The following TRAPPC11 variants were observed in gnomAD, a reference collection of about 807,000 sequenced individuals.
TRAPPC11 encodes the protein foie gras homolog.
Under a neutral mutation model 151.2 loss-of-function variants are expected in TRAPPC11, and 104 were observed. That is an observed-to-expected ratio of 0.69 (90% CI 0.59 to 0.81). The LOEUF (loss-of-function observed/expected upper bound fraction) is 0.81. TRAPPC11 is among the 30% of genes least tolerant of loss of function. The pLI, the probability that TRAPPC11 is intolerant of heterozygous loss-of-function variation, is 0.00. For synonymous variants in TRAPPC11, 456 were observed against 472.3 expected, an observed-to-expected ratio of 0.97 and a Z score of 0.45; for missense variants, 1,230 against 1,349.6, an observed-to-expected ratio of 0.91 and a Z score of 1.39.
At position 183,684,019 on chromosome 4, in the gene TRAPPC11, G is replaced by A. The variant is rs754886049; in HGVS notation, c.1252G>A (p.Ala418Thr). 2 of 1,613,996 alleles carry A rather than the reference G, an allele frequency of 1.2e-6. No homozygotes were observed. Among genetic ancestry groups the A allele is most frequent in the Admixed American group, 1.7e-5 (1 of 60,014 alleles). Reference protein sequence around the residue: ...DPEKEKVGILAIQLKERNVVH... With the variant: ...DPEKEKVGILTIQLKERNVVH... ...TGAAAAAGAAAAGGTGGGAATTCTT[G>A]CCATTCAGCTGAAGGAGAGAAATGT... The change falls in exon 12 of 30, where the codon GCC (alanine) becomes ACC (threonine). Residue 418 changes from alanine to threonine, a missense_variant. By Grantham distance (58) the Ala-to-Thr change is moderately conservative (BLOSUM62 0). Transcript: ENST00000334690.
At position 183,675,144 on chromosome 4, in the gene TRAPPC11, AT is replaced by A. The variant is rs751852398; in HGVS notation, c.661-13del. On this transcript the variant is annotated intron_variant, in intron 6 of 29. Coordinates refer to ENST00000334690, the MANE Select transcript of TRAPPC11 (RefSeq NM_021942.6). ...TTTAAATAGAATATGTATAATAGTA[AT>A]TTTTTTGTCTCTTTTTAGCTTTTAT... The A allele has an allele frequency of 3.5e-5, 48 of 1,378,888 alleles. No individual in the cohort carries two copies. Among genetic ancestry groups the A allele is most frequent in the African/African-American group, 1.2e-4 (8 of 68,060 alleles). 85.4% of individuals were successfully genotyped at this position (1,378,888 alleles called of 1,614,324 possible). A position where few individuals can be genotyped will look rare whatever the true frequency, so the allele number is the denominator to read the frequency against.
chr4:183,712,829 T>C lies in TRAPPC11; in HGVS notation c.*185T>C, dbSNP rs1737398296. On this transcript the variant is annotated 3_prime_UTR_variant, in exon 30 of 30. Coordinates refer to ENST00000334690, the MANE Select transcript of TRAPPC11 (RefSeq NM_021942.6). ...TATTAGGAAAATCTGTCTTATAGTT[T>C]CTCTAATAAATATCTGAAATCTCAG... 1 of 497,978 alleles carries C rather than the reference T, an allele frequency of 2.0e-6. No homozygotes were observed. The highest frequency in any genetic ancestry group is 3.1e-5 in the East Asian group (1 of 32,066). The allele number at this position is 497,978 out of a possible 1,614,324, so 30.8% of individuals were successfully genotyped here. A position where few individuals can be genotyped will look rare whatever the true frequency, so the allele number is the denominator to read the frequency against.
chr4:183,684,413 A>G, intron 14 of TRAPPC11, 54 bp downstream of exon 14: 1 of 1,491,428 alleles, frequency 6.7e-7, no homozygotes, highest in Non-Finnish European at 9.3e-7. Context: ...CTGAAGTGAA[A>G]CTGAAATAGA....
chr4:183,675,067 T>A, intron 6 of TRAPPC11, 97 bp from the exon 7 acceptor site: 1 of 669,390 alleles, frequency 1.5e-6, no homozygotes, highest in Non-Finnish European at 2.3e-6. Context: ...GTTTTGAATA[T>A]TTTTCTTCAT....
At chr4:183,688,509 T>G (rs1736099468) in intron 18 of TRAPPC11, among the ~76,000 whole-genome samples, 1 of 152,204 alleles carries the variant, frequency 6.6e-6, no homozygotes, top group African/African-American at 2.4e-5. Context: ...CAGATGTCTT[T>G]GAAGATTTAT....
chr4:183,687,961 T>C (rs1736072105), intron 18 of TRAPPC11, among the ~76,000 whole-genome samples: 1 of 152,220 alleles, frequency 6.6e-6, no homozygotes. Flanking sequence ...CATTTGAATA[T>C]ATTTGAAGCA....
rs775874970 is a variant in TRAPPC11 at position 183,683,959 on chromosome 4, G to A, written c.1208-16G>A. 1.2e-6 allele frequency: 2 copies of A among 1,606,118 alleles called. No individual in the cohort carries two copies. Among genetic ancestry groups the A allele is most frequent in the Non-Finnish European group, 1.7e-6 (2 of 1,172,834 alleles). ...AAATGAGCTGTCTAAAATGAGTTGT[G>A]TCTCATCTTACGCAGGTTTTGATCT... On this transcript the variant is annotated splice_polypyrimidine_tract_variant and intron_variant, in intron 11 of 29. Transcript: ENST00000334690.
At chr4:183,684,442 T>A in intron 14 of TRAPPC11, 83 bp downstream of exon 14, 1 of 1,314,270 alleles carries the variant, frequency 7.6e-7, no homozygotes, top group Non-Finnish European at 1.1e-6. Flanking sequence ...TTGAAGGAGT[T>A]CGTATTTTCA....
intron 27 of TRAPPC11, among the ~76,000 whole-genome samples, chr4:183,705,291 G>T (rs576480334): frequency 6.6e-6 from 1 of 152,158 alleles, no homozygotes; most frequent in South Asian, 2.1e-4. Context: ...ACTTTCATAT[G>T]CCTGTTTTAA....
At chr4:183,680,014 C>A in intron 9 of TRAPPC11, 106 bp from the exon 10 acceptor site, 4 of 860,872 alleles carry the variant, frequency 4.6e-6, no homozygotes, top group South Asian at 1.8e-5. Flanking sequence ...TCAATAGCAC[C>A]ATTTTAACAC....
rs371688110 is a variant in TRAPPC11, at chr4:183,679,481, T to C, written c.960T>C (p.Ser320=). The part of the protein sequence containing the change: ...ELSFEHDAWM[S]KQFQAFGDLF... ...CTTTTGAGCATGATGCATGGATGTC[T>C]AAACAGTATGTTTTACATTGTCCTT... The change falls in exon 9 of 30, where the codon TCT becomes TCC. Residue 320 remains serine, a synonymous_variant. Transcript: ENST00000334690. The C allele has an allele frequency of 1.9e-5, 31 of 1,604,824 alleles. No individual in the cohort carries two copies. The African/African-American group carries it at 2.7e-4, about 14-fold the overall frequency.
rs75191675 is a variant in TRAPPC11 at position 183,665,195 on chromosome 4, T to A, written c.205-1062T>A. On this transcript the variant is annotated intron_variant, in intron 2 of 29. Coordinates refer to ENST00000334690, the MANE Select transcript of TRAPPC11 (RefSeq NM_021942.6). ...CTGCAAGCTCCGCCTCCTGGGTTCG[T>A]GCCATTCTCCTGCTTCAGCCTCCCG... Among the ~76,000 whole-genome samples the A allele has an allele frequency of 2.0e-5, 3 of 149,242 alleles. No individual in the cohort carries two copies. In the Admixed American group the frequency reaches 2.0e-4, roughly 10 times the overall value.
chr4:183,709,844 A>G (rs1263131528), intron 29 of TRAPPC11, among the ~76,000 whole-genome samples: 1 of 152,176 alleles, frequency 6.6e-6, no homozygotes, highest in Admixed American at 6.5e-5. Flanking sequence ...AACGCTTTTT[A>G]AATATTTTCG....
intron 25 of TRAPPC11, among the ~76,000 whole-genome samples, chr4:183,699,324 A>G (rs1736690664): frequency 6.6e-6 from 1 of 152,180 alleles, no homozygotes; most frequent in Non-Finnish European, 1.5e-5. Flanking sequence ...CCTCCCAAGC[A>G]GGACTAAGTA....
At chr4:183,693,769 A>G in intron 21 of TRAPPC11, 32 bp downstream of exon 21, 1 of 1,609,704 alleles carries the variant, frequency 6.2e-7, no homozygotes, top group Non-Finnish European at 8.5e-7. Flanking sequence ...TTTGATCAGT[A>G]TTAATCCAAC....
At chr4:183,695,362 G>A (rs1436434045) in intron 23 of TRAPPC11, among the ~76,000 whole-genome samples, 1 of 152,084 alleles carries the variant, frequency 6.6e-6, no homozygotes, top group Non-Finnish European at 1.5e-5. Context: ...AAAGGAGGTC[G>A]CCCTTTGAAA....
At chr4:183,687,312 T>C (rs1163660783) in intron 18 of TRAPPC11, among the ~76,000 whole-genome samples, 2 of 151,358 alleles carry the variant, frequency 1.3e-5, no homozygotes, top group Non-Finnish European at 2.9e-5. Context: ...TATATATATA[T>C]ATGTACACAT....
Position 183,691,474 on chromosome 4 carries a change from T to G in TRAPPC11, c.2049+3T>G. The G allele has an allele frequency of 6.8e-7, 1 of 1,462,734 alleles. No individual in the cohort carries two copies. The highest frequency in any genetic ancestry group is 9.2e-7 in the Non-Finnish European group (1 of 1,088,760). The allele number at this position is 1,462,734 out of a possible 1,614,324, so 90.6% of individuals were successfully genotyped here. On this transcript the variant is annotated splice_donor_region_variant and intron_variant, in intron 19 of 29. Coordinates refer to ENST00000334690, the MANE Select transcript of TRAPPC11 (RefSeq NM_021942.6). ...AAGATGTGGGAAAGAAAATTGAGGT[T>G]AGTTATGAAATTTGTTTTAAAATAT...
chr4:183,687,530 T>C (rs1384697685), intron 18 of TRAPPC11, among the ~76,000 whole-genome samples: 1 of 152,036 alleles, frequency 6.6e-6, no homozygotes, highest in Non-Finnish European at 1.5e-5. Context: ...GGTTTTGCTG[T>C]GTTGCCCAAG....
Sources: allele counts gnomAD v4.1 joint callset (sites outside exome capture counted in the v4.1 genomes callset), GRCh38; gene constraint gnomAD v4.1.1; transcripts MANE v1.5; gene names NCBI Gene and HGNC (gene_info 2026-07-23, HGNC 2026-07-21).